Variants in CASP8 observed in about 807,000 individuals in gnomAD.
CASP8 encodes the protein caspase-8.
CASP8 carries 24 observed loss-of-function variants against 46.3 expected under a neutral mutation model. The observed-to-expected ratio is 0.52, with a 90% confidence interval of 0.38 to 0.73. The LOEUF (loss-of-function observed/expected upper bound fraction) is 0.73. Ranked by LOEUF, CASP8 falls within the 30% of genes least tolerant of loss-of-function variation. The pLI is 0.00. For synonymous variants in CASP8, 188 were observed against 200.4 expected (o/e 0.94, Z 0.52); for missense variants, 460 against 559.0 (o/e 0.82, Z 1.79).
chr2:201,246,036 T>G lies in CASP8; in HGVS notation c.-27+11924T>G, dbSNP rs187646438. On this transcript the variant is annotated intron_variant, in intron 2 of 6. Transcript: ENST00000264274. ...GCATGTGCCACCATGCCCGGCTAAT[T>G]TTGTATTTTTAGTAGAGACGGGGTT... 2.0e-5 allele frequency among the ~76,000 whole-genome samples: 3 copies of G among 152,134 alleles called. No individual in the cohort carries two copies. The East Asian group carries it at 5.8e-4, about 29-fold the overall frequency.
At chr2:201,277,680 G>C in intron 7 of CASP8, 1 of 436,342 alleles carries the variant, frequency 2.3e-6, no homozygotes, top group Non-Finnish European at 4.5e-6. Context: ...ATCATCAGGA[G>C]TCTGTAATGG....
chr2:201,282,696 T>A (rs1470524220), intron 7 of CASP8, among the ~76,000 whole-genome samples: 3 of 62,550 alleles, frequency 4.8e-5, no homozygotes, highest in East Asian at 4.9e-4. Context: ...CGGGGGGCTG[T>A]TCCCCCCACC....
rs371851826 is a variant in CASP8 at position 201,272,796 on chromosome 2, C to A, written c.550+20C>A. The stretch of plus-strand genomic sequence containing the variant: ...GCAAAGGTAGAAACAACCTGACAGC[C>A]GGGAATCGGCAAAACCTACTCTAAA... On this transcript the variant is annotated intron_variant, in intron 4 of 8. Coordinates refer to ENST00000673742, the MANE Select transcript of CASP8 (RefSeq NM_001372051.1). The surrounding 1 kb of genome is among the most constrained non-coding windows in gnomAD (Gnocchi z 4.4). The A allele has an allele frequency of 6.2e-7, 1 of 1,614,112 alleles. No individual in the cohort carries two copies.
chr2:201,283,544 G>T (rs1331289507), intron 7 of CASP8, among the ~76,000 whole-genome samples: 8 of 89,734 alleles, frequency 8.9e-5, no homozygotes, highest in African/African-American at 2.7e-4. Context: ...TCACCTCCCG[G>T]ACGGGGCGGC....
chr2:201,243,223 CT>C (rs1946376265), intron 2 of CASP8, among the ~76,000 whole-genome samples: 1 of 148,682 alleles, frequency 6.7e-6, no homozygotes, highest in Non-Finnish European at 1.5e-5. Context: ...GTAGATCTCA[CT>C]TAAATGTTCT....
upstream of CASP8, among the ~76,000 whole-genome samples, chr2:201,259,514 T>G (rs2125062023): frequency 6.6e-6 from 1 of 152,262 alleles, no homozygotes; most frequent in African/African-American, 2.4e-5. Context: ...CCTAGCCCTC[T>G]CTGGTGAAGA....
chr2:201,284,675 A>ACG (rs1949444354), intron 7 of CASP8, 141 bp from the exon 8 acceptor site: 1 of 317,842 alleles, frequency 3.1e-6, no homozygotes, highest in African/African-American at 4.2e-5. Flanking sequence ...AGACGGGGAG[A>ACG]GGGAGAGGGA....
In CASP8 at chr2:201,271,391, A is replaced by T. The variant is rs563514388; in HGVS notation, c.306-125A>T. 19 of 729,680 alleles carry T rather than the reference A, an allele frequency of 2.6e-5. No individual in the cohort carries two copies. In the East Asian group the frequency reaches 4.7e-4, roughly 18 times the overall value. The allele number at this position is 729,680 out of a possible 1,614,324, so 45.2% of individuals were successfully genotyped here. A position where few individuals can be genotyped will look rare whatever the true frequency, so the allele number is the denominator to read the frequency against. Reference sequence around the variant, plus strand: ...CTCTTTCCAAGGGCTCAACTCATAAACCATGCCATTAACTGGCTTTATGTT... The same window carrying T: ...CTCTTTCCAAGGGCTCAACTCATAATCCATGCCATTAACTGGCTTTATGTT... On this transcript the variant is annotated intron_variant, in intron 2 of 8. Transcript: ENST00000673742.
intron 7 of CASP8, chr2:201,277,827 A>T: frequency 6.0e-6 from 2 of 334,430 alleles, no homozygotes; most frequent in Non-Finnish European, 1.1e-5. Flanking sequence ...CAGCCTCCCA[A>T]GTAGCTGGGA....
chr2:201,285,538 G>A (rs1406749318), intron 8 of CASP8, among the ~76,000 whole-genome samples: 2 of 152,210 alleles, frequency 1.3e-5, no homozygotes, highest in Middle Eastern at 3.2e-3. Context: ...TACAAAGTGG[G>A]AGAGTGGCAA....
chr2:201,286,424 C>G, intron 8 of CASP8, 35 bp from the exon 9 acceptor site: 1 of 1,607,030 alleles, frequency 6.2e-7, no homozygotes, highest in Non-Finnish European at 8.5e-7. Context: ...TGCTTTCCCC[C>G]ACAGACAGTC....
Position 201,272,284 on chromosome 2 carries a change from C to A in CASP8, c.412-354C>A, listed in dbSNP as rs1452710627. Among the ~76,000 whole-genome samples the A allele has an allele frequency of 6.6e-6, 1 of 151,920 alleles. No homozygotes were observed. The highest frequency in any genetic ancestry group is 1.9e-4 in the East Asian group (1 of 5,186). On this transcript the variant is annotated intron_variant, in intron 3 of 8. Coordinates refer to ENST00000673742, the MANE Select transcript of CASP8 (RefSeq NM_001372051.1). The surrounding 1 kb of genome is among the most constrained non-coding windows in gnomAD (Gnocchi z 4.4). ...TGTACTCAGGTCTGGAGAGGCAATG[C>A]TGGGGGTGAGGCTGTTCCCCAGGGT... is the stretch of plus-strand genomic sequence containing the variant.
chr2:201,276,624 T>C (rs1184519990), intron 6 of CASP8, among the ~76,000 whole-genome samples: 1 of 152,214 alleles, frequency 6.6e-6, no homozygotes, highest in East Asian at 1.9e-4. Context: ...GCCCAGGTAT[T>C]GGGACACTGA....
intron 7 of CASP8, among the ~76,000 whole-genome samples, chr2:201,277,390 T>G (rs1948703823): frequency 6.6e-6 from 1 of 152,180 alleles, no homozygotes; most frequent in Non-Finnish European, 1.5e-5. Flanking sequence ...AAATAGCATT[T>G]TCAAGTATTA....
rs1559357897 is a variant in CASP8, at chr2:201,272,702, T to A, written c.476T>A (p.Ile159Asn). The A allele has an allele frequency of 6.2e-7, 1 of 1,614,100 alleles. No individual in the cohort carries two copies. Among genetic ancestry groups the A allele is most frequent in the Non-Finnish European group, 8.5e-7 (1 of 1,179,970 alleles). Reference sequence around the variant, plus strand: ...ATCCTGGGAGAAGGAAAGTTGGACATCCTGAAAAGAGTCTGTGCCCAAATC... The same window carrying A: ...ATCCTGGGAGAAGGAAAGTTGGACAACCTGAAAAGAGTCTGTGCCCAAATC... ...RVILGEGKLD[I>N]LKRVCAQINK... is the part of the protein sequence containing the mutation. The change falls in exon 4 of 9, where the codon ATC becomes AAC. Residue 159 changes from isoleucine (I) to asparagine (N), a missense_variant. Transcript: ENST00000673742. The surrounding 1 kb of genome is among the most constrained non-coding windows in gnomAD (Gnocchi z 4.4).
chr2:201,237,755 A>G (rs569100642), intron 2 of CASP8, among the ~76,000 whole-genome samples: 1 of 152,326 alleles, frequency 6.6e-6, no homozygotes, highest in African/African-American at 2.4e-5. Context: ...TTCTGGCTTT[A>G]TCTTGGCCCA....
upstream of CASP8, among the ~76,000 whole-genome samples, chr2:201,257,234 C>A (rs988404324): frequency 6.6e-6 from 1 of 150,772 alleles, no homozygotes; most frequent in Admixed American, 6.6e-5. Flanking sequence ...GTAATCCCAG[C>A]ACTTTGGGAG....
chr2:201,286,362 GA>G (rs1227219018), intron 8 of CASP8, 96 bp from the exon 9 acceptor site: 7 of 1,453,096 alleles, frequency 4.8e-6, no homozygotes, highest in Non-Finnish European at 6.7e-6. Context: ...TATTTTGAGA[GA>G]AAGAACTACA....
rs1948458851 is a variant in CASP8, at chr2:201,273,875, A to G, written c.595+933A>G. On this transcript the variant is annotated intron_variant, in intron 5 of 8. Coordinates refer to ENST00000673742, the MANE Select transcript of CASP8 (RefSeq NM_001372051.1). ...TGTCTTGTAGAGATGGGGTTTCGCT[A>G]TGTTGCCCAGGCTGATCTTGAACTC... Among the ~76,000 whole-genome samples the G allele has an allele frequency of 2.6e-5, 4 of 151,976 alleles. No homozygotes were observed. In the South Asian group the frequency reaches 6.2e-4, roughly 24 times the overall value.
Sources: allele counts gnomAD v4.1 joint callset (sites outside exome capture counted in the v4.1 genomes callset), GRCh38; gene constraint gnomAD v4.1.1; non-coding constraint Gnocchi (gnomAD v3.1); transcripts MANE v1.5; gene names NCBI Gene and HGNC (gene_info 2026-07-23, HGNC 2026-07-21).